The following SYNM variants were observed in gnomAD, a reference collection of about 807,000 sequenced individuals.
SYNM encodes desmuslin.
A neutral mutation model predicts 104.0 loss-of-function variants in SYNM; 95 were observed. The ratio of observed to expected loss-of-function variants is 0.91; its 90% CI spans 0.77 to 1.08. SYNM has a LOEUF of 1.08. SYNM is among the 50% of genes least tolerant of loss of function. The probability of loss-of-function intolerance (pLI) is 0.00; values close to 1 mark genes in which losing one functional copy is unlikely to be tolerated. For synonymous variants in SYNM, 918 were observed against 869.0 expected, an observed-to-expected ratio of 1.06 and a Z score of -0.99; for missense variants, 2,150 against 2,052.2, an observed-to-expected ratio of 1.05 and a Z score of -0.92.
downstream of SYNM, chr15:99,138,147 G>C (rs1555488159): frequency 1.9e-6 from 3 of 1,611,274 alleles, no homozygotes; most frequent in South Asian, 3.3e-5. Flanking sequence ...AGCAGAGGGT[G>C]GGGTGAGTGT....
chr15:99,131,304 G>A lies in SYNM; in HGVS notation c.2944G>A (p.Val982Ile), dbSNP rs782225511. ...AGAGGGGCAGGGTGGGCCGGGGAGC[G>A]TTTCCGTGGATGTCAAGAAGGTCCA... ...TREGQGGPGS[V>I]SVDVKKVQGA... Residue 982 changes from valine to isoleucine, a missense_variant, in exon 4 of 4, where the codon GTT becomes ATT. Val to Ile is a conservative substitution (Grantham distance 29, BLOSUM62 3). Transcript: ENST00000336292. The surrounding 1 kb of genome is among the most constrained non-coding windows in gnomAD (Gnocchi z 4.3). 2.2e-5 allele frequency: 35 copies of A among 1,612,730 alleles called. No homozygotes were observed. The highest frequency in any genetic ancestry group is 9.3e-5 in the African/African-American group (7 of 74,902).
intron 3 of SYNM, chr15:99,128,691 T>C (rs1555485295): frequency 6.5e-6 from 1 of 152,956 alleles, no homozygotes; most frequent in Admixed American, 6.5e-5. Context: ...GGTAGCACTG[T>C]CTGCAAACAG....
rs782119707 is a variant in SYNM at position 99,105,993 on chromosome 15, A to C, written c.794A>C (p.Gln265Pro). Residue 265 changes from glutamine (Q) to proline (P), a missense_variant, in exon 1 of 4, where the codon CAG becomes CCG. Physicochemically the swap from Gln to Pro is moderately conservative, Grantham distance 76 (BLOSUM62 -1). Coordinates refer to ENST00000336292, the MANE Select transcript of SYNM (RefSeq NM_145728.3). ...LLRMREEYGI[Q>P]AEERQRVIDC... ...CGGATGCGCGAGGAGTACGGGATACAGGCCGAGGAGCGGCAGGTCCGTGCG... is the reference window on the plus strand; with the variant it reads ...CGGATGCGCGAGGAGTACGGGATACCGGCCGAGGAGCGGCAGGTCCGTGCG... The C allele has an allele frequency of 8.7e-5, 129 of 1,478,354 alleles. 1 individual carries two copies. The South Asian group carries it at 1.6e-3, about 19-fold the overall frequency. 91.6% of individuals were successfully genotyped at this position (1,478,354 alleles called of 1,614,324 possible).
In SYNM at chr15:99,135,577, T is replaced by C. The variant is rs2067563568; in HGVS notation, c.*2519T>C. The stretch of plus-strand genomic sequence containing the variant: ...TCACAAGAATGTGCAAAAATAAAAA[T>C]CTGAGGAAAAAACCCACATTGTTCC... On this transcript the variant is annotated 3_prime_UTR_variant, in exon 4 of 4. Transcript: ENST00000336292. 1 of 152,602 alleles carries C rather than the reference T, an allele frequency of 6.6e-6. No homozygotes were observed. The allele number at this position is 152,602 out of a possible 1,614,324, so 9.5% of individuals were successfully genotyped here. A position where few individuals can be genotyped will look rare whatever the true frequency, so the allele number is the denominator to read the frequency against.
At chr15:99,123,579 A>G (rs2067421114) in intron 2 of SYNM, among the ~76,000 whole-genome samples, 2 of 151,804 alleles carry the variant, frequency 1.3e-5, no homozygotes, top group African/African-American at 4.8e-5. Context: ...CAGTGCGTCC[A>G]CTCTGTGTGG....
downstream of SYNM, chr15:99,138,068 G>A (rs2067735827): frequency 6.2e-7 from 1 of 1,613,906 alleles, no homozygotes. Context: ...AGGGATGCTG[G>A]TGCAGAAGGC....
At chr15:99,139,605 A>AT (rs2067983639), downstream of SYNM, 3 of 1,526,076 alleles carry the variant, frequency 2.0e-6, no homozygotes, top group Non-Finnish European at 2.6e-6. Context: ...TTTTAGCACT[A>AT]TTTCACAAAA....
chr15:99,141,662 A>C, the SYNM span, among the ~76,000 whole-genome samples: 1 of 152,202 alleles, frequency 6.6e-6, no homozygotes, highest in Non-Finnish European at 1.5e-5. Context: ...ATTCATTCTG[A>C]TCTGCCAACC....
intron 2 of SYNM, among the ~76,000 whole-genome samples, chr15:99,114,883 C>T (rs1265247809): frequency 4.6e-5 from 7 of 152,082 alleles, no homozygotes; most frequent in African/African-American, 9.7e-5. Context: ...GGGTCTGTGA[C>T]GCTTACAGTG....
chr15:99,132,170 A>G lies in SYNM; in HGVS notation c.3810A>G (p.Lys1270=), dbSNP rs1555486063. The part of the protein sequence containing the change: ...TSVRQLQLGP[K]EGFSGQIQFT... ...TCAGGCAACTCCAGTTAGGCCCTAAAGAAGGGTTCAGTGGGCAAATCCAGT... is the reference window on the plus strand; with the variant it reads ...TCAGGCAACTCCAGTTAGGCCCTAAGGAAGGGTTCAGTGGGCAAATCCAGT... Residue 1270 remains lysine (K), a synonymous_variant, in exon 4 of 4, where the codon AAA becomes AAG. Transcript: ENST00000336292. 6.2e-7 allele frequency: 1 copy of G among 1,613,862 alleles called. No homozygotes were observed. Among genetic ancestry groups the G allele is most frequent in the Non-Finnish European group, 8.5e-7 (1 of 1,179,842 alleles).
intron 1 of SYNM, among the ~76,000 whole-genome samples, chr15:99,109,718 A>G (rs970062460): frequency 1.2e-4 from 18 of 152,276 alleles, no homozygotes; most frequent in Admixed American, 2.6e-4. Flanking sequence ...TCAGTTCTTC[A>G]TGGTTGCAGA....
chr15:99,111,417 A>C (rs954222110), intron 1 of SYNM, among the ~76,000 whole-genome samples: 1 of 151,950 alleles, frequency 6.6e-6, no homozygotes, highest in African/African-American at 2.4e-5. Flanking sequence ...CCTCTAAAAC[A>C]GGGGAATGTA....
chr15:99,126,481 G>A (rs1370989096), intron 2 of SYNM, among the ~76,000 whole-genome samples: 2 of 152,258 alleles, frequency 1.3e-5, no homozygotes, highest in African/African-American at 2.4e-5. Flanking sequence ...GGGGTTGAGC[G>A]CCATGCTGGC....
intron 1 of SYNM, among the ~76,000 whole-genome samples, chr15:99,109,633 G>A (rs1432497281): frequency 2.0e-5 from 3 of 152,170 alleles, no homozygotes; most frequent in East Asian, 1.9e-4. Flanking sequence ...ACGAGGTACT[G>A]GAAGTAGCTC....
At chr15:99,115,987 C>T (rs554666571) in intron 2 of SYNM, among the ~76,000 whole-genome samples, 1 of 152,376 alleles carries the variant, frequency 6.6e-6, no homozygotes, top group South Asian at 2.1e-4. Flanking sequence ...GCCTGGGCCC[C>T]AGGAGGCTGC....
chr15:99,112,272 G>T (rs1390368056), intron 1 of SYNM, among the ~76,000 whole-genome samples: 3 of 152,142 alleles, frequency 2.0e-5, no homozygotes, highest in Non-Finnish European at 4.4e-5. Context: ...TTTAGTTAAT[G>T]ATGTTCAGAA....
At chr15:99,136,084 G>C (rs775354271), downstream of SYNM, among the ~76,000 whole-genome samples, 28 of 152,218 alleles carry the variant, frequency 1.8e-4, no homozygotes, top group Admixed American at 4.6e-4. Context: ...CAAAGGAATA[G>C]CTAGATATCT....
At chr15:99,127,414 GGGATAA>G (rs1248554789) in intron 3 of SYNM, among the ~76,000 whole-genome samples, 5 of 152,178 alleles carry the variant, frequency 3.3e-5, no homozygotes, top group Non-Finnish European at 2.9e-5. Context: ...AAGAAACTGA[GGGATAA>G]CTTGTTTTTT....
chr15:99,131,807 G>A lies in SYNM; in HGVS notation c.3447G>A (p.Val1149=), dbSNP rs1555485977. 1 of 1,613,968 alleles carries A rather than the reference G, an allele frequency of 6.2e-7. No homozygotes were observed. Among genetic ancestry groups the A allele is most frequent in the Non-Finnish European group, 8.5e-7 (1 of 1,179,900 alleles). ...CATATGAAGGACCCACTGCAGAAGT[G>A]GTGGAGGTAAGTGCGGGAGGTGACC... ...RMSYEGPTAE[V]VEVSAGGDLS... is the part of the protein sequence containing the mutation. Residue 1149 remains valine, a synonymous_variant, in exon 4 of 4, where the codon GTG becomes GTA. Transcript: ENST00000336292. This position sits in a 1 kb window ranked among gnomAD's most constrained non-coding sequence, Gnocchi z 4.3.
Sources: allele counts gnomAD v4.1 joint callset (sites outside exome capture counted in the v4.1 genomes callset), GRCh38; gene constraint gnomAD v4.1.1; non-coding constraint Gnocchi (gnomAD v3.1); transcripts MANE v1.5; gene names NCBI Gene and HGNC (gene_info 2026-07-23, HGNC 2026-07-21).